The following SLC10A7 variants were observed in gnomAD, a reference collection of about 807,000 sequenced individuals.
SLC10A7 encodes solute carrier family 10 member 7.
Under a neutral mutation model 43.2 loss-of-function variants are expected in SLC10A7, and 29 were observed. The ratio of observed to expected loss-of-function variants is 0.67; its 90% confidence interval spans 0.50 to 0.92. The LOEUF (loss-of-function observed/expected upper bound fraction) is 0.92. SLC10A7 is among the 40% of genes least tolerant of loss of function. The pLI, the probability that SLC10A7 is intolerant of heterozygous loss-of-function variation, is 0.00. For synonymous variants in SLC10A7, 152 were observed against 144.8 expected (o/e 1.05, Z -0.35); for missense variants, 295 against 403.2 (o/e 0.73, Z 2.30).
chr4:146,399,761 A>G (rs930681185), intron 5 of SLC10A7, among the ~76,000 whole-genome samples: 1 of 152,188 alleles, frequency 6.6e-6, no homozygotes, highest in Non-Finnish European at 1.5e-5. Flanking sequence ...AGAAATATAG[A>G]GAAAGAAGCA....
intron 5 of SLC10A7, among the ~76,000 whole-genome samples, chr4:146,335,107 G>T (rs1292036073): frequency 6.6e-6 from 1 of 151,904 alleles, no homozygotes; most frequent in Non-Finnish European, 1.5e-5. Flanking sequence ...AGGAGAAGAT[G>T]ATGTCAGTGT....
chr4:146,324,115 A>G (rs1265580509), intron 6 of SLC10A7, among the ~76,000 whole-genome samples: 4 of 152,188 alleles, frequency 2.6e-5, no homozygotes, highest in South Asian at 4.1e-4. Flanking sequence ...CCAACTTACA[A>G]GGGATATGAA....
chr4:146,417,310 C>A (rs1416146405), intron 5 of SLC10A7, among the ~76,000 whole-genome samples: 2 of 152,130 alleles, frequency 1.3e-5, no homozygotes, highest in Non-Finnish European at 2.9e-5. Context: ...TTTTAAGCCA[C>A]ATAACAGACG....
chr4:146,391,624 G>A (rs1173525901), intron 5 of SLC10A7, among the ~76,000 whole-genome samples: 1 of 152,202 alleles, frequency 6.6e-6, no homozygotes, highest in Non-Finnish European at 1.5e-5. Context: ...AAAGGCAGAT[G>A]AAGTCTTGTC....
intron 6 of SLC10A7, among the ~76,000 whole-genome samples, chr4:146,313,075 G>A (rs1732087587): frequency 1.3e-5 from 2 of 152,176 alleles, no homozygotes; most frequent in South Asian, 4.1e-4. Flanking sequence ...CTCTTAAGTA[G>A]AACACATGAT....
At chr4:146,498,915 A>C (rs1403924613) in intron 4 of SLC10A7, among the ~76,000 whole-genome samples, 1 of 152,226 alleles carries the variant, frequency 6.6e-6, no homozygotes, top group African/African-American at 2.4e-5. Flanking sequence ...TTTACTGAAA[A>C]TCATTTAAAA....
intron 4 of SLC10A7, among the ~76,000 whole-genome samples, chr4:146,499,986 C>A (rs1300260302): frequency 2.0e-5 from 3 of 152,136 alleles, no homozygotes; most frequent in South Asian, 2.1e-4. Context: ...AGCCTACACA[C>A]CTCTTGAGGG....
At chr4:146,256,722 C>T in intron 11 of SLC10A7, 1 of 982,696 alleles carries the variant, frequency 1.0e-6, no homozygotes, top group Non-Finnish European at 1.5e-6. Flanking sequence ...CATTTCCCCT[C>T]CCACACCTGG....
intron 5 of SLC10A7, among the ~76,000 whole-genome samples, chr4:146,401,480 C>T (rs140575637): frequency 2.6e-5 from 4 of 152,266 alleles, no homozygotes; most frequent in East Asian, 3.9e-4. Flanking sequence ...GCCCAGGAGA[C>T]CTGCATAACC....
intron 6 of SLC10A7, among the ~76,000 whole-genome samples, chr4:146,319,961 C>T (rs1256420251): frequency 6.6e-6 from 1 of 152,026 alleles, no homozygotes; most frequent in Admixed American, 6.6e-5. Flanking sequence ...AATATGGCTA[C>T]AGATGCAGGT....
At chr4:146,512,552 C>T (rs1173207307) in intron 2 of SLC10A7, among the ~76,000 whole-genome samples, 5 of 151,906 alleles carry the variant, frequency 3.3e-5, no homozygotes, top group Non-Finnish European at 7.4e-5. Context: ...TATTAAATAC[C>T]TTGTTGATGA....
intron 6 of SLC10A7, among the ~76,000 whole-genome samples, chr4:146,320,794 G>A (rs539990452): frequency 6.6e-6 from 1 of 152,022 alleles, no homozygotes; most frequent in African/African-American, 2.4e-5. Flanking sequence ...CAACAAAGAG[G>A]AGTAGCAGGT....
chr4:146,272,962 C>A (rs1379729319), intron 10 of SLC10A7, among the ~76,000 whole-genome samples: 1 of 152,016 alleles, frequency 6.6e-6, no homozygotes, highest in Non-Finnish European at 1.5e-5. Flanking sequence ...GAAAGTGTGC[C>A]CCTCATTACT....
At chr4:146,287,203 T>C (rs963496303) in intron 9 of SLC10A7, among the ~76,000 whole-genome samples, 1 of 152,044 alleles carries the variant, frequency 6.6e-6, no homozygotes, top group African/African-American at 2.4e-5. Flanking sequence ...AACGACTGAG[T>C]TTGGACTGGT....
chr4:146,425,947 G>A (rs764542303), intron 5 of SLC10A7, among the ~76,000 whole-genome samples: 3 of 152,148 alleles, frequency 2.0e-5, no homozygotes, highest in African/African-American at 4.8e-5. Context: ...AAACTCCTTA[G>A]TAAAATACTT....
At chr4:146,304,290 A>G (rs1303299897) in intron 7 of SLC10A7, among the ~76,000 whole-genome samples, 1 of 151,588 alleles carries the variant, frequency 6.6e-6, no homozygotes, top group Non-Finnish European at 1.5e-5. Context: ...AAAGACACCA[A>G]CCAAAGACAG....
chr4:146,412,936 T>C (rs939615451), intron 5 of SLC10A7, among the ~76,000 whole-genome samples: 4 of 152,112 alleles, frequency 2.6e-5, no homozygotes, highest in Admixed American at 2.6e-4. Flanking sequence ...ACCACTCCAT[T>C]TCCAATGTCT....
At chr4:146,328,696 C>T (rs2149710757) in intron 5 of SLC10A7, among the ~76,000 whole-genome samples, 1 of 152,258 alleles carries the variant, frequency 6.6e-6, no homozygotes, top group South Asian at 2.1e-4. Flanking sequence ...CACTAACAAC[C>T]ACAACAGACA....
intron 9 of SLC10A7, among the ~76,000 whole-genome samples, chr4:146,284,770 T>C (rs962127643): frequency 6.6e-6 from 1 of 152,174 alleles, no homozygotes; most frequent in African/African-American, 2.4e-5. Flanking sequence ...ATTACATGGC[T>C]TTCATATTTC....
Sources: allele counts gnomAD v4.1 joint callset (sites outside exome capture counted in the v4.1 genomes callset), GRCh38; gene constraint gnomAD v4.1.1; transcripts MANE v1.5; gene names NCBI Gene and HGNC (gene_info 2026-07-23, HGNC 2026-07-21).